The following DUOXA1 variants were observed in gnomAD, a reference collection of about 807,000 sequenced individuals.
DUOXA1 encodes the protein dual oxidase maturation factor 1.
In DUOXA1, 19 loss-of-function variants were observed where a neutral mutation model predicts 26.6. The ratio of observed to expected loss-of-function variants is 0.71; its 90% CI spans 0.50 to 1.05. The LOEUF (loss-of-function observed/expected upper bound fraction) is 1.05, where lower values mean the gene tolerates loss of function less well. Among genes scored for constraint, DUOXA1 ranks in the 50% least tolerant of loss-of-function variants. The probability of loss-of-function intolerance (pLI) is 0.00; values close to 1 mark genes in which losing one functional copy is unlikely to be tolerated. For missense variants in DUOXA1, 403 were observed against 427.5 expected (o/e 0.94, Z 0.51); for synonymous variants, 166 against 177.0 (o/e 0.94, Z 0.49).
intron 4 of DUOXA1, 115 bp downstream of exon 4, chr15:45,122,753 C>A: frequency 3.0e-6 from 4 of 1,336,844 alleles, no homozygotes; most frequent in Non-Finnish European, 4.0e-6. Flanking sequence ...TCGTGGCTAT[C>A]TTTTCTCCGC....
rs762832270 is a variant in DUOXA1, at chr15:45,119,033, T to G, written c.*73A>C. On this transcript the variant is annotated 3_prime_UTR_variant, in exon 9 of 9. Transcript: ENST00000560572. ...GTAACAGCCACCCTGAGGGCAGTTC[T>G]GCTGGTTTTATGGGGCGCCAATGAG... The G allele has an allele frequency of 7.9e-6, 12 of 1,514,374 alleles. No homozygotes were observed. Among genetic ancestry groups the G allele is most frequent in the Non-Finnish European group, 1.1e-5 (12 of 1,129,676 alleles). 93.8% of individuals were successfully genotyped at this position (1,514,374 alleles called of 1,614,324 possible).
intron 3 of DUOXA1, among the ~76,000 whole-genome samples, chr15:45,123,512 G>T (rs1895423182): frequency 6.6e-6 from 1 of 152,202 alleles, no homozygotes; most frequent in South Asian, 2.1e-4. Flanking sequence ...AGGAACAAAG[G>T]CCAGGCAGCT....
In DUOXA1 at chr15:45,120,157, C is replaced by A. The variant is rs567061569; in HGVS notation, c.718G>T (p.Ala240Ser). The change falls in exon 8 of 9, where the codon GCT (alanine) becomes TCT (serine). Residue 240 changes from alanine (A) to serine (S), a missense_variant. Transcript: ENST00000560572. ...CCATGGTGAGTATGCAGCACAGAAG[C>A]GCCCAGGTGCAGGGGACAGGGTGAG... is the stretch of plus-strand genomic sequence containing the variant. ...LTSPCPLHLG[A>S]SVLHTHHGPA... is the part of the protein sequence containing the mutation. The A allele has an allele frequency of 6.2e-7, 1 of 1,613,952 alleles. No homozygotes were observed. The highest frequency in any genetic ancestry group is 8.5e-7 in the Non-Finnish European group (1 of 1,179,972).
rs1894858408 is a variant in DUOXA1, at chr15:45,118,774, G to C, written c.*332C>G. ...TAACCCCCACCCTGCTGGTGTTATG[G>C]GGGTGAAGTTAGGTTTCAGTGAATA... On this transcript the variant is annotated 3_prime_UTR_variant, in exon 9 of 9. Transcript: ENST00000560572. 9.5e-7 allele frequency: 1 copy of C among 1,049,592 alleles called. No homozygotes were observed. The highest frequency in any genetic ancestry group is 1.1e-6 in the Non-Finnish European group (1 of 872,268). The allele number at this position is 1,049,592 out of a possible 1,614,324, so 65.0% of individuals were successfully genotyped here. A position where few individuals can be genotyped will look rare whatever the true frequency, so the allele number is the denominator to read the frequency against.
At position 45,117,717 on chromosome 15, in the gene DUOXA1, C is replaced by T. The variant is rs766823135; in HGVS notation, c.*1389G>A. 6 of 1,613,230 alleles carry T rather than the reference C, an allele frequency of 3.7e-6. No individual in the cohort carries two copies. The highest frequency in any genetic ancestry group is 2.2e-5 in the South Asian group (2 of 91,052). On this transcript the variant is annotated 3_prime_UTR_variant, in exon 9 of 9. Coordinates refer to ENST00000560572, the MANE Select transcript of DUOXA1 (RefSeq NM_001276266.2). ...TTCTTTCGATCCCCACCGCCACAGG[C>T]GTCCTGTGCCTCTTCCTCGGAGGGG...
Position 45,117,486 on chromosome 15 carries a change from G to A in DUOXA1, c.*1620C>T, listed in dbSNP as rs961329474. 6 of 1,551,692 alleles carry A rather than the reference G, an allele frequency of 3.9e-6. No homozygotes were observed. Among genetic ancestry groups the A allele is most frequent in the Non-Finnish European group, 5.2e-6 (6 of 1,146,888 alleles). On this transcript the variant is annotated 3_prime_UTR_variant, in exon 9 of 9. Coordinates refer to ENST00000560572, the MANE Select transcript of DUOXA1 (RefSeq NM_001276266.2). ...GATGAAAAGTGGGGGGCTCAGAAGGGTTTGGTGTCTTGCCGTGTTTCATGT... is the reference window on the plus strand; with the variant it reads ...GATGAAAAGTGGGGGGCTCAGAAGGATTTGGTGTCTTGCCGTGTTTCATGT...
rs1349635884 is a variant in DUOXA1 at position 45,129,086 on chromosome 15, C to G, written c.-98G>C. On this transcript the variant is annotated 5_prime_UTR_variant, in exon 3 of 9. Transcript: ENST00000560572. The surrounding 1 kb of genome is among the most constrained non-coding windows in gnomAD (Gnocchi z 4.1). ...TCGCCTTCCCCCGTGGAACCTCACA[C>G]GAAGCGCCCCCGGGGGTGTGATTAA... 1 of 152,288 alleles carries G rather than the reference C, an allele frequency of 6.6e-6. No individual in the cohort carries two copies. Among genetic ancestry groups the G allele is most frequent in the East Asian group, 1.9e-4 (1 of 5,190 alleles). The allele number at this position is 152,288 out of a possible 1,614,324, so 9.4% of individuals were successfully genotyped here. A position where few individuals can be genotyped will look rare whatever the true frequency, so the allele number is the denominator to read the frequency against.
chr15:45,119,993 G>T, intron 8 of DUOXA1, 110 bp downstream of exon 8: 1 of 1,290,802 alleles, frequency 7.7e-7, no homozygotes, highest in Non-Finnish European at 1.1e-6. Flanking sequence ...AGAGGGCAAA[G>T]CCATCCTGGC....
chr15:45,119,019 C>G lies in DUOXA1; in HGVS notation c.*87G>C. 9.3e-6 allele frequency: 14 copies of G among 1,500,166 alleles called. No homozygotes were observed. The highest frequency in any genetic ancestry group is 5.4e-5 in the South Asian group (4 of 73,676). 92.9% of individuals were successfully genotyped at this position (1,500,166 alleles called of 1,614,324 possible). ...GTGCTGGGTGTCTGGTAACAGCCAC[C>G]CTGAGGGCAGTTCTGCTGGTTTTAT... On this transcript the variant is annotated 3_prime_UTR_variant, in exon 9 of 9. Transcript: ENST00000560572.
chr15:45,128,139 C>T (rs1260175698), intron 3 of DUOXA1, among the ~76,000 whole-genome samples: 1 of 152,186 alleles, frequency 6.6e-6, no homozygotes, highest in Non-Finnish European at 1.5e-5. Flanking sequence ...ACACAATTAC[C>T]CAATCCTTAC....
chr15:45,118,965 C>G lies in DUOXA1; in HGVS notation c.*141G>C, dbSNP rs1208894156. On this transcript the variant is annotated 3_prime_UTR_variant, in exon 9 of 9. Transcript: ENST00000560572. Reference sequence around the variant, plus strand: ...TGTTTTTTAACATCAGTATATAGAGCCTCCTTTTTCTACTCCGTCTGTAGA... The same window carrying G: ...TGTTTTTTAACATCAGTATATAGAGGCTCCTTTTTCTACTCCGTCTGTAGA... 14 of 1,427,232 alleles carry G rather than the reference C, an allele frequency of 9.8e-6. No homozygotes were observed. Among genetic ancestry groups the G allele is most frequent in the Non-Finnish European group, 1.1e-5 (12 of 1,092,098 alleles). The allele number at this position is 1,427,232 out of a possible 1,614,324, so 88.4% of individuals were successfully genotyped here. A position where few individuals can be genotyped will look rare whatever the true frequency, so the allele number is the denominator to read the frequency against.
intron 6 of DUOXA1, 103 bp downstream of exon 6, chr15:45,120,984 C>T (rs1374455335): frequency 6.4e-7 from 1 of 1,565,174 alleles, no homozygotes; most frequent in Non-Finnish European, 8.7e-7. Flanking sequence ...CACATCCTCC[C>T]AGCCCCTGTG....
At chr15:45,122,275 G>A (rs1218085171) in intron 4 of DUOXA1, 33 bp from the exon 5 acceptor site, 10 of 1,580,816 alleles carry the variant, frequency 6.3e-6, no homozygotes, top group African/African-American at 1.3e-5. Context: ...TAAGTAAAGA[G>A]TGCCTTCCTT....
intron 8 of DUOXA1, among the ~76,000 whole-genome samples, chr15:45,119,745 T>G (rs1341696988): frequency 1.3e-5 from 2 of 151,766 alleles, no homozygotes; most frequent in East Asian, 1.9e-4. Flanking sequence ...CAGGACAATT[T>G]AGGGATGTGT....
At position 45,120,681 on chromosome 15, in the gene DUOXA1, C is replaced by A. The variant is rs755802164; in HGVS notation, c.465G>T (p.Leu155Phe). The A allele has an allele frequency of 6.2e-6, 10 of 1,614,018 alleles. No individual in the cohort carries two copies. In the African/African-American group the frequency reaches 9.3e-5, roughly 15 times the overall value. Residue 155 changes from leucine (L) to phenylalanine (F), a missense_variant, in exon 7 of 9, where the codon TTG (leucine) becomes TTT (phenylalanine). Physicochemically the swap from Leu to Phe is conservative, Grantham distance 22. Coordinates refer to ENST00000560572, the MANE Select transcript of DUOXA1 (RefSeq NM_001276266.2). ...ALEKGLPDPVLYLAEKFTPRS... is the reference protein window; with the variant it reads ...ALEKGLPDPVFYLAEKFTPRS... ...TTGGAGTGAACTTCTCAGCTAGGTA[C>A]AACACAGGGTCTGGCAGCCCCTTCT...
chr15:45,127,166 G>A (rs1895745856), intron 3 of DUOXA1, among the ~76,000 whole-genome samples: 1 of 152,130 alleles, frequency 6.6e-6, no homozygotes. Flanking sequence ...AAATATCTTG[G>A]CTAATAAGAT....
In DUOXA1 at chr15:45,117,920, A is replaced by G. The variant is rs547585211; in HGVS notation, c.*1186T>C. Reference sequence around the variant, plus strand: ...ACCACTAACCTGTGAGGGGGACCCAATCTGGACTCCTTCCCCGCCTTGGGA... The same window carrying G: ...ACCACTAACCTGTGAGGGGGACCCAGTCTGGACTCCTTCCCCGCCTTGGGA... On this transcript the variant is annotated 3_prime_UTR_variant, in exon 9 of 9. Coordinates refer to ENST00000560572, the MANE Select transcript of DUOXA1 (RefSeq NM_001276266.2). The G allele has an allele frequency of 1.6e-5, 26 of 1,613,246 alleles. No homozygotes were observed. Among genetic ancestry groups the G allele is most frequent in the South Asian group, 1.3e-4 (12 of 91,082 alleles).
chr15:45,119,510 A>G, intron 8 of DUOXA1, 145 bp from the exon 9 acceptor site: 2 of 1,324,440 alleles, frequency 1.5e-6, no homozygotes, highest in African/African-American at 1.5e-5. Context: ...TGACTGGCTG[A>G]GGGGCATGTG....
rs1300983885 is a variant in DUOXA1 at position 45,120,647 on chromosome 15, A to G, written c.499T>C (p.Cys167Arg). 8.1e-6 allele frequency: 13 copies of G among 1,614,018 alleles called. No individual in the cohort carries two copies. Among genetic ancestry groups the G allele is most frequent in the Middle Eastern group, 1.6e-4 (1 of 6,084 alleles). ...LAEKFTPRSP[C>R]GLYRQYRLAG... ...AGGCGGTACTGGCGGTATAGGCCAC[A>G]TGGGCTTCTTGGAGTGAACTTCTCA... Residue 167 changes from cysteine (C) to arginine (R), a missense_variant, in exon 7 of 9, where the codon TGT becomes CGT. Transcript: ENST00000560572.
Sources: gnomAD v4.1 joint callset for allele counts (sites outside exome capture counted in the v4.1 genomes callset) on GRCh38, gnomAD v4.1.1 for gene constraint, Gnocchi (gnomAD v3.1) non-coding constraint, MANE v1.5 for transcripts, NCBI Gene and HGNC (gene_info 2026-07-23, HGNC 2026-07-21) for gene names.